The following RYR3 variants were observed in gnomAD, a reference collection of about 807,000 sequenced individuals.
The protein encoded by RYR3 is ryanodine receptor 3.
A neutral mutation model predicts 584.3 loss-of-function variants in RYR3; 207 were observed. That is an observed-to-expected ratio of 0.35 (90% CI 0.32 to 0.40). The LOEUF (loss-of-function observed/expected upper bound fraction) is 0.40. Ranked by LOEUF, RYR3 falls within the 10% of genes least tolerant of loss-of-function variation. The pLI is 1.00. For missense variants in RYR3, 5,616 were observed against 6,089.2 expected (o/e 0.92, Z 2.59); for synonymous variants, 2,416 against 2,248.5 (o/e 1.07, Z -2.11).
intron 1 of RYR3, among the ~76,000 whole-genome samples, chr15:33,417,982 A>G (rs1303435823): frequency 6.6e-6 from 1 of 152,232 alleles, no homozygotes; most frequent in East Asian, 1.9e-4. Flanking sequence ...GAATCACATC[A>G]AATTGCGTAT....
chr15:33,391,039 T>C lies in RYR3; in HGVS notation c.51+79943T>C, dbSNP rs1041644353. ...GCTTTGAGTACAACTGTTTGCTGAG[T>C]CCCGTGACTCCCTCTAGCAAATCTC... On this transcript the variant is annotated intron_variant, in intron 1 of 103. Transcript: ENST00000634891. Among the ~76,000 whole-genome samples, 7 of 152,278 alleles carry C rather than the reference T, an allele frequency of 4.6e-5. No individual in the cohort carries two copies. The South Asian group carries it at 1.5e-3, about 32-fold the overall frequency.
chr15:33,575,645 G>T (rs2058261296), intron 12 of RYR3, among the ~76,000 whole-genome samples: 1 of 152,044 alleles, frequency 6.6e-6, no homozygotes, highest in Non-Finnish European at 1.5e-5. Context: ...AGCACTAAAT[G>T]CCCACCTCAA....
intron 10 of RYR3, among the ~76,000 whole-genome samples, chr15:33,553,943 A>G (rs2056876023): frequency 6.6e-6 from 1 of 152,178 alleles, no homozygotes; most frequent in Non-Finnish European, 1.5e-5. Context: ...GAGCTCCGGC[A>G]TACTATTTAT....
intron 3 of RYR3, among the ~76,000 whole-genome samples, chr15:33,520,468 G>T (rs1171709214): frequency 6.6e-6 from 1 of 152,126 alleles, no homozygotes; most frequent in Non-Finnish European, 1.5e-5. Flanking sequence ...GAGGAGTATG[G>T]GTGGTTCAAA....
At chr15:33,675,340 T>C (rs2064105621) in intron 38 of RYR3, among the ~76,000 whole-genome samples, 2 of 152,174 alleles carry the variant, frequency 1.3e-5, no homozygotes, top group African/African-American at 4.8e-5. Context: ...AAAGACAGAG[T>C]AAGTAACTTT....
chr15:33,859,401 T>G (rs1306584812), intron 99 of RYR3, among the ~76,000 whole-genome samples, 174 bp from the exon 100 acceptor site: 3 of 152,178 alleles, frequency 2.0e-5, no homozygotes, highest in Admixed American at 2.0e-4. Flanking sequence ...TATCAAACTG[T>G]CCAGAGGGTG....
chr15:33,807,725 C>G (rs1567212772), intron 70 of RYR3, 156 bp downstream of exon 70: 2 of 751,848 alleles, frequency 2.7e-6, no homozygotes, highest in Non-Finnish European at 4.6e-6. Flanking sequence ...AACTGCCTGT[C>G]AAAGAGTGAA....
At chr15:33,549,808 C>T (rs2056538133) in intron 9 of RYR3, among the ~76,000 whole-genome samples, 1 of 152,112 alleles carries the variant, frequency 6.6e-6, no homozygotes, top group African/African-American at 2.4e-5. Flanking sequence ...AAAGGCTTTC[C>T]CAGAAACAAG....
chr15:33,326,884 CAT>C (rs753180791), intron 1 of RYR3, among the ~76,000 whole-genome samples: 6 of 152,054 alleles, frequency 3.9e-5, no homozygotes, highest in Non-Finnish European at 8.8e-5. Flanking sequence ...ACTATATAGA[CAT>C]AGATTATGAA....
intron 1 of RYR3, among the ~76,000 whole-genome samples, chr15:33,392,066 CAATT>C (rs1440732259): frequency 1.3e-5 from 2 of 151,978 alleles, no homozygotes; most frequent in African/African-American, 4.8e-5. Context: ...GAGCACCTAT[CAATT>C]AGATGCTTAC....
intron 32 of RYR3, among the ~76,000 whole-genome samples, chr15:33,657,885 T>C (rs1357799073): frequency 6.6e-6 from 1 of 152,212 alleles, no homozygotes; most frequent in East Asian, 1.9e-4. Flanking sequence ...CATGAACAAA[T>C]GATAGCACTA....
chr15:33,516,062 C>T (rs1197097149), intron 3 of RYR3, among the ~76,000 whole-genome samples: 2 of 152,032 alleles, frequency 1.3e-5, no homozygotes, highest in Admixed American at 6.6e-5. Context: ...ACAAAAAAAC[C>T]TTTATTATGA....
In RYR3 at chr15:33,543,699, A is replaced by G; in HGVS notation, c.724A>G (p.Asn242Asp). 2.5e-6 allele frequency: 4 copies of G among 1,611,050 alleles called. No individual in the cohort carries two copies. Among genetic ancestry groups the G allele is most frequent in the Non-Finnish European group, 3.4e-6 (4 of 1,177,296 alleles). ...ECLTIPSTDQNDSQHRRIFYE... is the reference protein window; with the variant it reads ...ECLTIPSTDQDDSQHRRIFYE... ...TTTGACGATACCATCTACAGACCAG[A>G]ATGATTCCCAGCACAGGTAAGTCAG... The change falls in exon 8 of 104, where the codon AAT (asparagine) becomes GAT (aspartate). Residue 242 changes from asparagine to aspartate, a missense_variant. Coordinates refer to ENST00000634891, the MANE Select transcript of RYR3 (RefSeq NM_001036.6).
At chr15:33,479,473 G>T (rs1246236958) in intron 2 of RYR3, among the ~76,000 whole-genome samples, 1 of 147,488 alleles carries the variant, frequency 6.8e-6, no homozygotes, top group Non-Finnish European at 1.5e-5. Flanking sequence ...AGGCATATAA[G>T]CTGAGATTTT....
rs559813870 is a variant in RYR3 at position 33,530,195 on chromosome 15, G to A, written c.280-397G>A. Among the ~76,000 whole-genome samples the A allele has an allele frequency of 6.6e-5, 10 of 152,320 alleles. No individual in the cohort carries two copies. The South Asian group carries it at 2.1e-3, about 32-fold the overall frequency. Reference sequence around the variant, plus strand: ...CACAGAATGTGACCATGTGCCGCCTGCCACACTGCCTTTGTGTTGCTAGGC... The same window carrying A: ...CACAGAATGTGACCATGTGCCGCCTACCACACTGCCTTTGTGTTGCTAGGC... On this transcript the variant is annotated intron_variant, in intron 3 of 103. Coordinates refer to ENST00000634891, the MANE Select transcript of RYR3 (RefSeq NM_001036.6).
chr15:33,531,507 C>T (rs565504896), intron 4 of RYR3, among the ~76,000 whole-genome samples: 4 of 151,882 alleles, frequency 2.6e-5, no homozygotes, highest in East Asian at 1.9e-4. Flanking sequence ...AAAACTGATA[C>T]GTTAATTCAA....
chr15:33,788,287 A>G lies in RYR3; in HGVS notation c.9659A>G (p.Glu3220Gly). 6.2e-7 allele frequency: 1 copy of G among 1,614,006 alleles called. No homozygotes were observed. Among genetic ancestry groups the G allele is most frequent in the Non-Finnish European group, 8.5e-7 (1 of 1,179,874 alleles). ...AGAAGCCACTTCATCCCAACTCTGGAGAAGCTGAAGAAAAAGGCTGTCAAG... is the reference window on the plus strand; with the variant it reads ...AGAAGCCACTTCATCCCAACTCTGGGGAAGCTGAAGAAAAAGGCTGTCAAG... ...LLRSHFIPTL[E>G]KLKKKAVKTV... The change falls in exon 67 of 104, where the codon GAG (glutamate) becomes GGG (glycine). Residue 3220 changes from glutamate to glycine, a missense_variant. Glu to Gly is a moderately conservative substitution (Grantham distance 98). Transcript: ENST00000634891.
At chr15:33,670,708 G>A (rs963841853) in intron 38 of RYR3, among the ~76,000 whole-genome samples, 152 bp downstream of exon 38, 2 of 152,120 alleles carry the variant, frequency 1.3e-5, no homozygotes, top group Non-Finnish European at 2.9e-5. Context: ...GTTCAGTTAC[G>A]TATTTTGGGT....
chr15:33,825,731 T>C, intron 82 of RYR3, 55 bp downstream of exon 82: 1 of 743,872 alleles, frequency 1.3e-6, no homozygotes, highest in Non-Finnish European at 2.0e-6. Flanking sequence ...ATCTTTTTTT[T>C]TTTTTTTTTT....
Sources: gnomAD v4.1 joint callset for allele counts (sites outside exome capture counted in the v4.1 genomes callset) on GRCh38, gnomAD v4.1.1 for gene constraint, MANE v1.5 for transcripts, NCBI Gene and HGNC (gene_info 2026-07-23, HGNC 2026-07-21) for gene names.